The following METAP1 variants were observed in gnomAD, a reference collection of about 807,000 sequenced individuals.
METAP1 encodes the protein methionyl aminopeptidase 1.
In METAP1, 28 loss-of-function variants were observed where a neutral mutation model predicts 53.8. That is an observed-to-expected ratio of 0.52 (90% CI 0.39 to 0.71). The LOEUF (loss-of-function observed/expected upper bound fraction) is 0.71. METAP1 is among the 30% of genes least tolerant of loss of function. METAP1 has a pLI of 0.00. For missense variants in METAP1, 389 were observed against 479.8 expected (o/e 0.81, Z 1.77); for synonymous variants, 181 against 165.7 (o/e 1.09, Z -0.71).
intron 1 of METAP1, 53 bp downstream of exon 1, chr4:98,995,920 T>G (rs1223204907): frequency 1.4e-6 from 2 of 1,394,294 alleles, no homozygotes; most frequent in Non-Finnish European, 2.0e-6. Flanking sequence ...CCCTCCTCGC[T>G]TCTCCCCTGC....
chr4:99,046,020 AG>A (rs1726207955), intron 8 of METAP1, among the ~76,000 whole-genome samples: 1 of 152,160 alleles, frequency 6.6e-6, no homozygotes, highest in Non-Finnish European at 1.5e-5. Flanking sequence ...AGTAATGGGT[AG>A]GGGTGTATTT....
rs1166033079 is a variant in METAP1 at position 99,031,568 on chromosome 4, T to C, written c.166+2650T>C. The C allele has an allele frequency of 5.4e-6, 7 of 1,288,398 alleles. No individual in the cohort carries two copies. In the African/African-American group the frequency reaches 1.1e-4, roughly 20 times the overall value. 79.8% of individuals were successfully genotyped at this position (1,288,398 alleles called of 1,614,324 possible). On this transcript the variant is annotated intron_variant, in intron 2 of 10. Transcript: ENST00000296411. ...ACCAAACTTTGTGACCATGGGTTATTCTAAGTCTCACCTCCAAGATGCTGG... is the reference window on the plus strand; with the variant it reads ...ACCAAACTTTGTGACCATGGGTTATCCTAAGTCTCACCTCCAAGATGCTGG...
intron 1 of METAP1, among the ~76,000 whole-genome samples, chr4:99,012,767 G>A (rs534354858): frequency 8.6e-5 from 13 of 150,312 alleles, no homozygotes; most frequent in Admixed American, 6.0e-4. Flanking sequence ...ATGTACCCAA[G>A]GTGGTTGGGT....
chr4:98,996,083 G>C (rs571367815), intron 1 of METAP1, among the ~76,000 whole-genome samples: 4 of 152,264 alleles, frequency 2.6e-5, no homozygotes, highest in African/African-American at 7.2e-5. Flanking sequence ...CGCGGGGGCG[G>C]GGGCGCCACC....
intron 9 of METAP1, among the ~76,000 whole-genome samples, chr4:99,049,474 A>G (rs1726520210): frequency 6.6e-6 from 1 of 152,176 alleles, no homozygotes; most frequent in African/African-American, 2.4e-5. Context: ...AGATCCTGTA[A>G]TATTTGTTTA....
chr4:99,000,856 A>T (rs1318209155), intron 1 of METAP1, among the ~76,000 whole-genome samples: 2 of 152,006 alleles, frequency 1.3e-5, no homozygotes. Context: ...AGTTTGAGCC[A>T]CCACACCTGG....
intron 1 of METAP1, among the ~76,000 whole-genome samples, chr4:99,027,703 T>C (rs1399449120): frequency 6.6e-6 from 1 of 152,172 alleles, no homozygotes; most frequent in East Asian, 1.9e-4. Context: ...GCTTCAAAAC[T>C]GAAAAATCTC....
At chr4:99,040,214 G>A (rs1725758760) in intron 5 of METAP1, among the ~76,000 whole-genome samples, 3 of 152,138 alleles carry the variant, frequency 2.0e-5, no homozygotes, top group Admixed American at 2.0e-4. Context: ...ATAGGACAGA[G>A]TTTAAGGCTC....
At chr4:99,003,232 C>T (rs1206800548) in intron 1 of METAP1, among the ~76,000 whole-genome samples, 3 of 152,156 alleles carry the variant, frequency 2.0e-5, no homozygotes, top group Non-Finnish European at 4.4e-5. Flanking sequence ...CTTCCCTTAT[C>T]ATTATAAAGT....
chr4:99,005,734 C>A, intron 1 of METAP1: 4 of 407,018 alleles, frequency 9.8e-6, no homozygotes, highest in Middle Eastern at 3.5e-4. Context: ...TACTCCCCAG[C>A]CATTAAAAAA....
At chr4:99,023,452 G>A (rs752624551) in intron 1 of METAP1, 44 of 970,088 alleles carry the variant, frequency 4.5e-5, no homozygotes, top group Non-Finnish European at 5.4e-5. Flanking sequence ...AATCCTTTTA[G>A]TTACCAGGTG....
At chr4:99,045,407 G>C in intron 8 of METAP1, 97 bp downstream of exon 8, 2 of 1,390,580 alleles carry the variant, frequency 1.4e-6, no homozygotes, top group South Asian at 3.3e-5. Flanking sequence ...GTACCTTCCA[G>C]GTTGCCCCTG....
chr4:99,046,953 A>AAAAAAAAG (rs1560730243), intron 8 of METAP1, among the ~76,000 whole-genome samples: 10 of 149,032 alleles, frequency 6.7e-5, no homozygotes, highest in African/African-American at 1.2e-4. Context: ...AAAAAAAAAA[A>AAAAAAAAG]AAAAAGAAAA....
At chr4:99,018,228 A>G (rs1394323753) in intron 1 of METAP1, among the ~76,000 whole-genome samples, 1 of 152,210 alleles carries the variant, frequency 6.6e-6, no homozygotes, top group African/African-American at 2.4e-5. Context: ...GGCCGTGCTA[A>G]TTAGATGACC....
intron 9 of METAP1, among the ~76,000 whole-genome samples, chr4:99,053,405 C>T (rs1263687667): frequency 3.9e-5 from 6 of 152,042 alleles, no homozygotes; most frequent in African/African-American, 1.4e-4. Flanking sequence ...ACGTACCACC[C>T]TGCCTGGCTA....
chr4:99,045,011 A>G (rs983429128), intron 7 of METAP1, among the ~76,000 whole-genome samples, 168 bp from the exon 8 acceptor site: 1 of 152,216 alleles, frequency 6.6e-6, no homozygotes, highest in Non-Finnish European at 1.5e-5. Flanking sequence ...GTTCAGTTAC[A>G]TCTCAGGGAG....
chr4:99,029,061 A>C (rs138312526), intron 2 of METAP1, 143 bp downstream of exon 2: 3 of 545,592 alleles, frequency 5.5e-6, no homozygotes, highest in East Asian at 6.1e-5. Flanking sequence ...ACATATTTTA[A>C]ATTTTTGTGA....
At chr4:98,996,338 G>C (rs1722627068) in intron 1 of METAP1, among the ~76,000 whole-genome samples, 1 of 152,220 alleles carries the variant, frequency 6.6e-6, no homozygotes, top group African/African-American at 2.4e-5. Context: ...GGGTCCCTGC[G>C]GGGTGGGGGG....
At chr4:99,057,939 C>T (rs1727270367) in intron 10 of METAP1, 121 bp downstream of exon 10, 10 of 776,686 alleles carry the variant, frequency 1.3e-5, no homozygotes, top group Non-Finnish European at 2.1e-5. Flanking sequence ...CCCTGTCCCA[C>T]CTCAAACTTG....
Sources: allele counts gnomAD v4.1 joint callset (sites outside exome capture counted in the v4.1 genomes callset), GRCh38; gene constraint gnomAD v4.1.1; transcripts MANE v1.5; gene names NCBI Gene and HGNC (gene_info 2026-07-23, HGNC 2026-07-21).